The following ZMYM2 variants were observed in gnomAD, a reference collection of about 807,000 sequenced individuals.
ZMYM2 encodes zinc finger MYM-type protein 2.
In ZMYM2, 56 loss-of-function variants were observed where a neutral mutation model predicts 162.8. The observed-to-expected ratio is 0.34, with a 90% CI of 0.28 to 0.43. The LOEUF is 0.43. Among genes scored for constraint, ZMYM2 ranks in the 20% least tolerant of loss-of-function variants. The pLI is 1.00. For synonymous variants in ZMYM2, 510 were observed against 541.6 expected (o/e 0.94, Z 0.81); for missense variants, 1,275 against 1,621.8 (o/e 0.79, Z 3.67).
At chr13:19,995,229 C>G (rs947711536) in intron 3 of ZMYM2, among the ~76,000 whole-genome samples, 15 of 151,854 alleles carry the variant, frequency 9.9e-5, no homozygotes, top group Admixed American at 9.2e-4. Flanking sequence ...TTTTTCTTTT[C>G]TAAAACTACT....
At chr13:19,957,916 A>G (rs558072598), upstream of ZMYM2, among the ~76,000 whole-genome samples, 276 of 152,324 alleles carry the variant, frequency 1.8e-3, 1 homozygote, top group Non-Finnish European at 3.4e-3. Flanking sequence ...CGCAGACGCC[A>G]GCAGCCGGGG....
chr13:20,064,680 A>C (rs557793878), intron 19 of ZMYM2, 135 bp downstream of exon 19: 1 of 378,992 alleles, frequency 2.6e-6, no homozygotes, highest in Admixed American at 4.8e-5. Context: ...TTCTATTTAT[A>C]TAGAATATAG....
intron 11 of ZMYM2, among the ~76,000 whole-genome samples, chr13:20,035,808 C>T (rs1953638670): frequency 6.6e-6 from 1 of 152,016 alleles, no homozygotes; most frequent in Non-Finnish European, 1.5e-5. Context: ...TCAGAAATAA[C>T]AAAACACATA....
intron 3 of ZMYM2, among the ~76,000 whole-genome samples, chr13:19,998,074 A>G (rs989068704): frequency 1.3e-5 from 2 of 152,218 alleles, no homozygotes; most frequent in East Asian, 1.9e-4. Context: ...ACTGTACACA[A>G]AGAGACATAT....
chr13:20,080,494 T>TG (rs1713098591), intron 21 of ZMYM2, among the ~76,000 whole-genome samples: 1 of 152,076 alleles, frequency 6.6e-6, no homozygotes, highest in South Asian at 2.1e-4. Context: ...TCTGTCTCTT[T>TG]TTTTTTTTTC....
the ZMYM2 span, among the ~76,000 whole-genome samples, chr13:19,914,913 T>C: frequency 1.3e-5 from 2 of 152,188 alleles, no homozygotes; most frequent in Non-Finnish European, 2.9e-5. Flanking sequence ...AGAGGCTGTA[T>C]ATACTCTGAA....
At chr13:19,917,117 G>C in the ZMYM2 span, among the ~76,000 whole-genome samples, 3 of 151,872 alleles carry the variant, frequency 2.0e-5, no homozygotes, top group East Asian at 2.0e-4. Context: ...CGCCCGCCAC[G>C]ACGCCCGGCT....
the ZMYM2 span, among the ~76,000 whole-genome samples, chr13:19,911,134 G>T: frequency 3.1e-4 from 45 of 145,790 alleles, 1 homozygote; most frequent in African/African-American, 1.1e-3. Flanking sequence ...TCGGCTCACT[G>T]CAAACTCCAC....
chr13:19,891,710 G>A, the ZMYM2 span, among the ~76,000 whole-genome samples: 1 of 151,318 alleles, frequency 6.6e-6, no homozygotes, highest in African/African-American at 2.4e-5. Flanking sequence ...CCAGGAGTTT[G>A]AGGCTGCAAT....
the ZMYM2 span, among the ~76,000 whole-genome samples, chr13:19,914,472 T>C: frequency 6.6e-6 from 1 of 152,216 alleles, no homozygotes; most frequent in Admixed American, 6.5e-5. Context: ...GTGCCCAATC[T>C]GCCAGCAGCA....
chr13:19,900,318 TACA>T, the ZMYM2 span, among the ~76,000 whole-genome samples: 4 of 151,974 alleles, frequency 2.6e-5, no homozygotes, highest in Non-Finnish European at 5.9e-5. Context: ...AAAACAGTTG[TACA>T]ACAACAAAAT....
At chr13:19,902,616 C>CA in the ZMYM2 span, among the ~76,000 whole-genome samples, 236 of 151,966 alleles carry the variant, frequency 1.6e-3, 8 homozygotes, top group South Asian at 0.041. Flanking sequence ...AACTCTGTCT[C>CA]AAAAAAACAA....
At chr13:19,956,188 G>A (rs960057522), upstream of ZMYM2, among the ~76,000 whole-genome samples, 4 of 152,158 alleles carry the variant, frequency 2.6e-5, no homozygotes, top group African/African-American at 9.7e-5. Context: ...TCTACTTTCT[G>A]TCTCTACAGA....
chr13:20,036,266 CTGT>C (rs535676762), intron 11 of ZMYM2, among the ~76,000 whole-genome samples: 1,563 of 51,440 alleles, frequency 0.03, 16 homozygotes, highest in African/African-American at 0.046. Flanking sequence ...GTCAATAAAT[CTGT>C]TTTTTTTTCT....
upstream of ZMYM2, among the ~76,000 whole-genome samples, chr13:19,956,032 A>G (rs751513956): frequency 4.6e-5 from 7 of 152,220 alleles, no homozygotes; most frequent in Non-Finnish European, 1.0e-4. Flanking sequence ...CATTTAAGGT[A>G]TGCTGTTCAG....
chr13:19,866,231 AAAAC>A, the ZMYM2 span, among the ~76,000 whole-genome samples: 4 of 127,428 alleles, frequency 3.1e-5, no homozygotes, highest in Middle Eastern at 3.6e-3. Context: ...CAAAAAAAGA[AAAAC>A]AAAAAACAAG....
chr13:20,002,773 A>G, intron 3 of ZMYM2, 77 bp from the exon 4 acceptor site: 1 of 1,514,600 alleles, frequency 6.6e-7, no homozygotes, highest in Non-Finnish European at 8.9e-7. Context: ...GGAAGTTAAT[A>G]TTTCTCTGAT....
intron 21 of ZMYM2, among the ~76,000 whole-genome samples, chr13:20,075,885 G>C (rs1413408195): frequency 6.6e-6 from 1 of 151,194 alleles, no homozygotes; most frequent in Non-Finnish European, 1.5e-5. Flanking sequence ...CCGTAGAGAC[G>C]AGGTTTCGCC....
intron 6 of ZMYM2, among the ~76,000 whole-genome samples, chr13:20,009,754 T>C (rs902245672): frequency 2.0e-5 from 3 of 152,246 alleles, no homozygotes; most frequent in African/African-American, 7.2e-5. Context: ...ATCATTACTT[T>C]TTATGGCTGA....
Sources: allele counts gnomAD v4.1 joint callset (sites outside exome capture counted in the v4.1 genomes callset), GRCh38; gene constraint gnomAD v4.1.1; transcripts MANE v1.5; gene names NCBI Gene and HGNC (gene_info 2026-07-23, HGNC 2026-07-21).